GABRB3: variants seen among roughly 807,000 people sequenced by gnomAD.
GABRB3 encodes the protein gamma-aminobutyric acid receptor subunit beta-3.
A neutral mutation model predicts 52.1 loss-of-function variants in GABRB3; 14 were observed. That is an observed-to-expected ratio of 0.27 (90% CI 0.18 to 0.42). The LOEUF (loss-of-function observed/expected upper bound fraction) is 0.42, where lower values mean the gene tolerates loss of function less well. GABRB3 is among the 10% of genes least tolerant of loss of function. GABRB3 has a pLI of 1.00. For missense variants in GABRB3, 307 were observed against 609.1 expected (o/e 0.50, Z 5.22); for synonymous variants, 260 against 232.3 (o/e 1.12, Z -1.08).
intron 3 of GABRB3, among the ~76,000 whole-genome samples, chr15:26,751,621 T>C (rs1439736716): frequency 6.6e-6 from 1 of 151,986 alleles, no homozygotes; most frequent in African/African-American, 2.4e-5. Flanking sequence ...ATAGTATGTC[T>C]AACTCATTAG....
At chr15:26,742,932 T>TTC (rs1396397377) in intron 3 of GABRB3, among the ~76,000 whole-genome samples, 4 of 82,866 alleles carry the variant, frequency 4.8e-5, no homozygotes, top group African/African-American at 1.3e-4. Context: ...TTCTTTTTTT[T>TTC]TTTTTTTTTT....
chr15:26,741,029 G>GGGC lies in GABRB3; in HGVS notation c.240+31370_240+31372dup, dbSNP rs1196750432. 5.5e-5 allele frequency among the ~76,000 whole-genome samples: 8 copies of GGGC among 144,974 alleles called. No individual in the cohort carries two copies. In the East Asian group the frequency reaches 1.4e-3, roughly 26 times the overall value. ...TTCCTCACCTGTAGAATGGCAGGAT[G>GGGC]GGCGAGGGAGGAATAAGTGTGTGTG... On this transcript the variant is annotated intron_variant, in intron 3 of 8. Coordinates refer to ENST00000311550, the MANE Select transcript of GABRB3 (RefSeq NM_000814.6).
At position 26,546,548 on chromosome 15, in the gene GABRB3, C is replaced by A. The variant is rs571538087; in HGVS notation, c.*1245G>T. On this transcript the variant is annotated 3_prime_UTR_variant, in exon 9 of 9. Coordinates refer to ENST00000311550, the MANE Select transcript of GABRB3 (RefSeq NM_000814.6). ...GGTCATGTTCCTGCAGAATCCTAGTCAGTCTAGGAGTAGTTGGATGTGCTT... is the reference window on the plus strand; with the variant it reads ...GGTCATGTTCCTGCAGAATCCTAGTAAGTCTAGGAGTAGTTGGATGTGCTT... The A allele has an allele frequency of 6.6e-6, 1 of 152,488 alleles. No homozygotes were observed. The highest frequency in any genetic ancestry group is 2.1e-4 in the South Asian group (1 of 4,804). The allele number at this position is 152,488 out of a possible 1,614,324, so 9.4% of individuals were successfully genotyped here. A position where few individuals can be genotyped will look rare whatever the true frequency, so the allele number is the denominator to read the frequency against.
chr15:26,661,114 T>C (rs1291899069), intron 3 of GABRB3, among the ~76,000 whole-genome samples: 1 of 152,092 alleles, frequency 6.6e-6, no homozygotes, highest in African/African-American at 2.4e-5. Context: ...AAAAGAAATA[T>C]TTCCTCACTG....
At chr15:26,572,564 T>C (rs1043301709) in intron 6 of GABRB3, among the ~76,000 whole-genome samples, 1 of 152,230 alleles carries the variant, frequency 6.6e-6, no homozygotes, top group Non-Finnish European at 1.5e-5. Flanking sequence ...AAAGTATTTT[T>C]GTAGCTCCGG....
intron 4 of GABRB3, among the ~76,000 whole-genome samples, chr15:26,609,491 A>T (rs1179609005): frequency 2.0e-5 from 3 of 152,332 alleles, no homozygotes; most frequent in African/African-American, 7.2e-5. Context: ...AACGCATTTT[A>T]AAACTCTCAT....
At chr15:26,771,376 A>G (rs902504137) in intron 3 of GABRB3, among the ~76,000 whole-genome samples, 8 of 152,174 alleles carry the variant, frequency 5.3e-5, no homozygotes, top group African/African-American at 1.7e-4. Context: ...TGCCCACGTG[A>G]TTCCGACGTA....
At chr15:26,693,434 A>T (rs1297991642) in intron 3 of GABRB3, among the ~76,000 whole-genome samples, 2 of 152,178 alleles carry the variant, frequency 1.3e-5, no homozygotes, top group African/African-American at 4.8e-5. Context: ...CAGGCACTTC[A>T]TGTGCCCTTG....
chr15:26,586,397 A>AACACAC lies in GABRB3; in HGVS notation c.462-2989_462-2984dup, dbSNP rs56386894. 7.3e-3 allele frequency among the ~76,000 whole-genome samples: 1,012 copies of AACACAC among 138,034 alleles called. 24 individuals carry two copies. Among genetic ancestry groups the AACACAC allele is most frequent in the Middle Eastern group, 0.019 (5 of 264 alleles). The allele number at this position is 138,034 out of a possible 152,430, so 90.6% of individuals were successfully genotyped here. ...CTTATTCACTTTTCAAACCACCCCT[A>AACACAC]ACACACACACACACACACACACACA... is the stretch of plus-strand genomic sequence containing the variant. On this transcript the variant is annotated intron_variant, in intron 4 of 8. Transcript: ENST00000311550.
At chr15:26,700,037 T>C (rs542677307) in intron 3 of GABRB3, among the ~76,000 whole-genome samples, 1 of 151,340 alleles carries the variant, frequency 6.6e-6, no homozygotes, top group South Asian at 2.1e-4. Context: ...AAAACAATAC[T>C]GAAAAATCAA....
In GABRB3 at chr15:26,546,848, T is replaced by A. The variant is rs949391783; in HGVS notation, c.*945A>T. On this transcript the variant is annotated 3_prime_UTR_variant, in exon 9 of 9. Transcript: ENST00000311550. ...AACATAACTGCAAGGGGGAAAATCA[T>A]CCTAGATGGTTTTACCTTAGAGTAA... The A allele has an allele frequency of 2.0e-5, 3 of 151,748 alleles. No homozygotes were observed. Among genetic ancestry groups the A allele is most frequent in the Non-Finnish European group, 4.4e-5 (3 of 67,976 alleles). 9.4% of individuals were successfully genotyped at this position (151,748 alleles called of 1,614,324 possible).
intron 3 of GABRB3, chr15:26,716,483 G>T: frequency 3.7e-6 from 2 of 537,202 alleles, no homozygotes; most frequent in South Asian, 8.1e-5. Flanking sequence ...CTTCACAATT[G>T]CCATGAAGAA....
At chr15:26,720,294 C>A (rs1889609121) in intron 3 of GABRB3, among the ~76,000 whole-genome samples, 1 of 152,200 alleles carries the variant, frequency 6.6e-6, no homozygotes, top group African/African-American at 2.4e-5. Flanking sequence ...CTTTATTGCT[C>A]ACACAAAGCC....
At chr15:26,702,822 A>T (rs1026472559) in intron 3 of GABRB3, among the ~76,000 whole-genome samples, 1 of 152,248 alleles carries the variant, frequency 6.6e-6, no homozygotes, top group Non-Finnish European at 1.5e-5. Flanking sequence ...TAATCCATTT[A>T]GGCAGTTACA....
intron 3 of GABRB3, among the ~76,000 whole-genome samples, chr15:26,723,811 C>T (rs187813297): frequency 6.6e-6 from 1 of 152,286 alleles, no homozygotes; most frequent in East Asian, 1.9e-4. Context: ...CAAACCAAGG[C>T]CACGATTCCT....
intron 4 of GABRB3, among the ~76,000 whole-genome samples, chr15:26,591,589 T>C (rs1200609860): frequency 6.6e-6 from 1 of 152,164 alleles, no homozygotes; most frequent in Non-Finnish European, 1.5e-5. Flanking sequence ...TGCCAGATTC[T>C]AGAATACCTG....
At chr15:26,591,376 A>C (rs543234736) in intron 4 of GABRB3, among the ~76,000 whole-genome samples, 36 of 152,280 alleles carry the variant, frequency 2.4e-4, no homozygotes, top group African/African-American at 8.7e-4. Flanking sequence ...AGCAAACAGC[A>C]TTTTTCTAAA....
chr15:26,642,922 C>T (rs985400431), intron 3 of GABRB3, among the ~76,000 whole-genome samples: 3 of 152,060 alleles, frequency 2.0e-5, no homozygotes, highest in Non-Finnish European at 4.4e-5. Context: ...GCTACTACAC[C>T]GGTATTGCCA....
chr15:26,703,947 C>A (rs775484858), intron 3 of GABRB3, among the ~76,000 whole-genome samples: 2 of 152,114 alleles, frequency 1.3e-5, no homozygotes, highest in African/African-American at 4.8e-5. Flanking sequence ...GCCAGGCTGG[C>A]GTTGCATATT....
Sources: gnomAD v4.1 joint callset for allele counts (sites outside exome capture counted in the v4.1 genomes callset) on GRCh38, gnomAD v4.1.1 for gene constraint, MANE v1.5 for transcripts, NCBI Gene and HGNC (gene_info 2026-07-23, HGNC 2026-07-21) for gene names.